LRRC40: variants seen among roughly 807,000 people sequenced by gnomAD.
The protein encoded by LRRC40 is leucine rich repeat containing 40, also known as leucine-rich repeat-containing protein 40.
A neutral mutation model predicts 72.8 loss-of-function variants in LRRC40; 76 were observed. The ratio of observed to expected loss-of-function variants is 1.04; its 90% CI spans 0.87 to 1.26. The LOEUF is 1.26. LRRC40 is among the 50% of genes most tolerant of loss of function. The pLI, the probability that LRRC40 is intolerant of heterozygous loss-of-function variation, is 0.00. For missense variants in LRRC40, 684 were observed against 698.9 expected (o/e 0.98, Z 0.24); for synonymous variants, 243 against 254.2 (o/e 0.96, Z 0.42).
At chr1:70,187,864 GAAGA>G (rs1668401673) in intron 2 of LRRC40, among the ~76,000 whole-genome samples, 1 of 151,184 alleles carries the variant, frequency 6.6e-6, no homozygotes, top group African/African-American at 2.4e-5. Flanking sequence ...GAAGAGAAGA[GAAGA>G]GAAGAGAAGA....
chr1:70,151,557 G>T (rs1667491614), intron 12 of LRRC40, among the ~76,000 whole-genome samples: 1 of 151,946 alleles, frequency 6.6e-6, no homozygotes, highest in Non-Finnish European at 1.5e-5. Context: ...TTCCATTGGT[G>T]TTAATATATA....
intron 9 of LRRC40, among the ~76,000 whole-genome samples, chr1:70,161,907 CAAAA>C (rs1399808237): frequency 2.0e-5 from 3 of 151,898 alleles, no homozygotes; most frequent in African/African-American, 7.3e-5. Flanking sequence ...ACAAAATAAA[CAAAA>C]ATTACAAAAT....
chr1:70,191,804 A>T (rs940064620), intron 1 of LRRC40, among the ~76,000 whole-genome samples: 1 of 152,206 alleles, frequency 6.6e-6, no homozygotes, highest in African/African-American at 2.4e-5. Context: ...TGTCAATAGC[A>T]TATAAATATC....
rs78024429 is a variant in LRRC40, at chr1:70,165,883, T to A, written c.1112-6445A>T. Among the ~76,000 whole-genome samples the A allele has an allele frequency of 1.4e-3, 216 of 152,308 alleles. 5 individuals are homozygous for A. The East Asian group carries it at 0.032, about 23-fold the overall frequency. ...CAGGTGATTCTTATGTGCCTCTAGA[T>A]ACGTATGTAGATTGCTCTTTCACTG... On this transcript the variant is annotated intron_variant, in intron 9 of 14. Coordinates refer to ENST00000370952, the MANE Select transcript of LRRC40 (RefSeq NM_017768.5).
At chr1:70,181,756 A>T (rs148553539) in intron 4 of LRRC40, among the ~76,000 whole-genome samples, 276 of 152,182 alleles carry the variant, frequency 1.8e-3, no homozygotes, top group African/African-American at 6.0e-3. Flanking sequence ...GATTGGTACC[A>T]GAAGTCTACC....
rs765746318 is a variant in LRRC40, at chr1:70,181,097, T to C, written c.650A>G (p.Asn217Ser). ...CAGAAAATATTTACTTTTCATTCTATTTATTTCTGCTGGCAAACTCTTCAG... is the reference window on the plus strand; with the variant it reads ...CAGAAAATATTTACTTTTCATTCTACTTATTTCTGCTGGCAAACTCTTCAG... ...NELKSLPAEI[N>S]RMKRLKHLDC... Residue 217 changes from asparagine (N) to serine (S), a missense_variant, in exon 5 of 15, where the codon AAT (asparagine) becomes AGT (serine). By Grantham distance (46) the Asn-to-Ser change is conservative. Coordinates refer to ENST00000370952, the MANE Select transcript of LRRC40 (RefSeq NM_017768.5). The C allele has an allele frequency of 1.1e-5, 17 of 1,537,556 alleles. No homozygotes were observed. The Admixed American group carries it at 3.1e-4, about 28-fold the overall frequency.
chr1:70,179,000 T>A lies in LRRC40; in HGVS notation c.662-7A>T, dbSNP rs752772646. 4 of 1,510,058 alleles carry A rather than the reference T, an allele frequency of 2.6e-6. No individual in the cohort carries two copies. The highest frequency in any genetic ancestry group is 3.6e-6 in the Non-Finnish European group (4 of 1,125,020). 93.5% of individuals were successfully genotyped at this position (1,510,058 alleles called of 1,614,324 possible). On this transcript the variant is annotated splice_polypyrimidine_tract_variant and splice_region_variant and intron_variant, in intron 5 of 14. Coordinates refer to ENST00000370952, the MANE Select transcript of LRRC40 (RefSeq NM_017768.5). ...CAATCCAAATGCTTCAACCCTGTAA[T>A]ATATATTCAGTAAAAAACAAAAATA...
chr1:70,164,318 A>C (rs1667831343), intron 9 of LRRC40, among the ~76,000 whole-genome samples: 1 of 152,118 alleles, frequency 6.6e-6, no homozygotes, highest in South Asian at 2.1e-4. Flanking sequence ...TGAACCCAGG[A>C]GGCAAAGGTT....
chr1:70,175,625 A>G (rs896868757), intron 7 of LRRC40, among the ~76,000 whole-genome samples, 185 bp downstream of exon 7: 1 of 152,200 alleles, frequency 6.6e-6, no homozygotes, highest in Non-Finnish European at 1.5e-5. Context: ...TTCTATTATC[A>G]TATCAAGCTT....
chr1:70,161,964 T>C (rs567488503), intron 9 of LRRC40, among the ~76,000 whole-genome samples: 1 of 152,324 alleles, frequency 6.6e-6, no homozygotes, highest in African/African-American at 2.4e-5. Flanking sequence ...AATGTATTTT[T>C]ATGGGAGCAG....
chr1:70,179,517 T>C (rs1003365567), intron 5 of LRRC40, among the ~76,000 whole-genome samples: 2 of 152,144 alleles, frequency 1.3e-5, no homozygotes, highest in Non-Finnish European at 2.9e-5. Context: ...AATAAAGTTC[T>C]GGTACTCTGT....
In LRRC40 at chr1:70,151,242, T is replaced by C. The variant is rs571032742; in HGVS notation, c.1440-37A>G. On this transcript the variant is annotated intron_variant, in intron 12 of 14. Coordinates refer to ENST00000370952, the MANE Select transcript of LRRC40 (RefSeq NM_017768.5). The stretch of plus-strand genomic sequence containing the variant: ...ATCAAAACAGAAGATTTACAAAGTT[T>C]GAAAAATTTTACAAGTTTAATTTAT... The C allele has an allele frequency of 7.0e-6, 7 of 995,032 alleles. No homozygotes were observed. The East Asian group carries it at 1.5e-4, about 21-fold the overall frequency. 61.6% of individuals were successfully genotyped at this position (995,032 alleles called of 1,614,324 possible). A position where few individuals can be genotyped will look rare whatever the true frequency, so the allele number is the denominator to read the frequency against.
At position 70,205,510 on chromosome 1, in the gene LRRC40, C is replaced by A. The variant is rs780068722; in HGVS notation, c.31G>T (p.Asp11Tyr). Residue 11 changes from aspartate to tyrosine, a missense_variant, in exon 1 of 15, where the codon GAT becomes TAT. By Grantham distance (160) the Asp-to-Tyr change is radical (BLOSUM62 -3). Transcript: ENST00000370952. MSRLKRIAGQ[D>Y]LRAGFKAGGR... is the part of the protein sequence containing the mutation. ...CCTGCTTTGAAACCAGCGCGGAGAT[C>A]CTGCCCCGCTATCCGCTTCAGGCGC... is the stretch of plus-strand genomic sequence containing the variant. 1 of 1,601,392 alleles carries A rather than the reference C, an allele frequency of 6.2e-7. No individual in the cohort carries two copies.
intron 13 of LRRC40, among the ~76,000 whole-genome samples, chr1:70,149,005 T>G (rs1189669640): frequency 6.6e-6 from 1 of 152,186 alleles, no homozygotes; most frequent in East Asian, 1.9e-4. Flanking sequence ...TATTCTTCCT[T>G]TCACTTTTAC....
Position 70,205,552 on chromosome 1 carries a change from T to C in LRRC40, c.-12A>G. 1 of 1,583,744 alleles carries C rather than the reference T, an allele frequency of 6.3e-7. No individual in the cohort carries two copies. Among genetic ancestry groups the C allele is most frequent in the South Asian group, 1.1e-5 (1 of 89,178 alleles). ...TTCAGGCGCGACATGTTCAAAGTCC[T>C]AGGTCCAGAAGCTGCAGCCCCACCC... On this transcript the variant is annotated 5_prime_UTR_variant, in exon 1 of 15. Coordinates refer to ENST00000370952, the MANE Select transcript of LRRC40 (RefSeq NM_017768.5).
chr1:70,173,627 T>A lies in LRRC40; in HGVS notation c.1060A>T (p.Ile354Leu), dbSNP rs779599211. Residue 354 changes from isoleucine (I) to leucine (L), a missense_variant, in exon 8 of 15, where the codon ATA becomes TTA. Coordinates refer to ENST00000370952, the MANE Select transcript of LRRC40 (RefSeq NM_017768.5). ...NPLRTIRREI[I>L]SKGTQEVLKY... ...TGAATTCCAAATATACTTACACTTA[T>A]AATTTCTCTTCGAATTGTTCTCAAA... The A allele has an allele frequency of 1.3e-6, 2 of 1,560,678 alleles. No homozygotes were observed. The highest frequency in any genetic ancestry group is 2.3e-5 in the South Asian group (2 of 86,062).
In LRRC40 at chr1:70,148,602, C is replaced by A. The variant is rs1466149607; in HGVS notation, c.1588G>T (p.Val530Phe). 6.2e-7 allele frequency: 1 copy of A among 1,612,556 alleles called. No homozygotes were observed. Among genetic ancestry groups the A allele is most frequent in the Non-Finnish European group, 8.5e-7 (1 of 1,178,760 alleles). The change falls in exon 14 of 15, where the codon GTT (valine) becomes TTT (phenylalanine). Residue 530 changes from valine (V) to phenylalanine (F), a missense_variant. Physicochemically the swap from Val to Phe is conservative, Grantham distance 50 (BLOSUM62 -1). Coordinates refer to ENST00000370952, the MANE Select transcript of LRRC40 (RefSeq NM_017768.5). Reference protein sequence around the residue: ...LETILISNNQVGSVDPQKMKM... With the variant: ...LETILISNNQFGSVDPQKMKM... The stretch of plus-strand genomic sequence containing the variant: ...ATTTTCTGAGGGTCCACAGATCCAA[C>A]CTGATTATTACTAATCAGAATTGTT...
At chr1:70,202,136 G>A (rs567505972) in intron 1 of LRRC40, among the ~76,000 whole-genome samples, 3 of 152,278 alleles carry the variant, frequency 2.0e-5, no homozygotes, top group Admixed American at 6.5e-5. Flanking sequence ...TAGTCTGACA[G>A]TTTCTTACAG....
chr1:70,146,225 A>G (rs1667288178), intron 14 of LRRC40, among the ~76,000 whole-genome samples: 2 of 151,900 alleles, frequency 1.3e-5, no homozygotes, highest in Admixed American at 1.3e-4. Flanking sequence ...GGGTTTTGCC[A>G]TTTTGGCCAG....
Sources: allele counts gnomAD v4.1 joint callset (sites outside exome capture counted in the v4.1 genomes callset), GRCh38; gene constraint gnomAD v4.1.1; transcripts MANE v1.5; gene names NCBI Gene and HGNC (gene_info 2026-07-23, HGNC 2026-07-21).